The following PARD3B variants were observed in gnomAD, a reference collection of about 807,000 sequenced individuals.
The protein encoded by PARD3B is par-3 family cell polarity regulator beta, also known as partitioning defective 3 homolog B.
A neutral mutation model predicts 130.2 loss-of-function variants in PARD3B; 103 were observed. That is an observed-to-expected ratio of 0.79 (90% CI 0.67 to 0.93). The LOEUF (loss-of-function observed/expected upper bound fraction) is 0.93. PARD3B is among the 40% of genes least tolerant of loss of function. The probability of loss-of-function intolerance (pLI) is 0.00; values close to 1 mark genes in which losing one functional copy is unlikely to be tolerated. For synonymous variants in PARD3B, 583 were observed against 553.2 expected, an observed-to-expected ratio of 1.05 and a Z score of -0.76; for missense variants, 1,609 against 1,499.2, an observed-to-expected ratio of 1.07 and a Z score of -1.21.
intron 2 of PARD3B, among the ~76,000 whole-genome samples, chr2:204,861,822 AAAATTACTC>A (rs1388037962): frequency 6.6e-6 from 1 of 151,632 alleles, no homozygotes; most frequent in Non-Finnish European, 1.5e-5. Flanking sequence ...GGATCCCATA[AAAATTACTC>A]AATTACCAAA....
intron 20 of PARD3B, among the ~76,000 whole-genome samples, chr2:205,497,768 C>G (rs1050003412): frequency 6.6e-6 from 1 of 152,110 alleles, no homozygotes; most frequent in African/African-American, 2.4e-5. Context: ...CAGTAGTGAT[C>G]CTCACATACC....
chr2:205,501,276 T>C (rs2050151233), intron 21 of PARD3B, among the ~76,000 whole-genome samples: 1 of 152,188 alleles, frequency 6.6e-6, no homozygotes, highest in Non-Finnish European at 1.5e-5. Context: ...CAAGGCCAAG[T>C]GGCTTCAGCC....
chr2:204,935,362 T>C (rs1281133054), intron 2 of PARD3B, among the ~76,000 whole-genome samples: 5 of 130,156 alleles, frequency 3.8e-5, no homozygotes, highest in African/African-American at 1.0e-4. Flanking sequence ...ACCCTGTCTC[T>C]ACTAAAAATA....
At chr2:204,976,188 T>A (rs1427581217) in intron 3 of PARD3B, among the ~76,000 whole-genome samples, 2 of 152,198 alleles carry the variant, frequency 1.3e-5, no homozygotes, top group South Asian at 4.1e-4. Context: ...AAGTAGGCAA[T>A]GGAATGTTTC....
intron 3 of PARD3B, among the ~76,000 whole-genome samples, chr2:205,030,648 A>G (rs1455697048): frequency 1.3e-5 from 2 of 152,164 alleles, no homozygotes; most frequent in African/African-American, 4.8e-5. Context: ...GCATTAAAAG[A>G]CTGTTTGATA....
At chr2:204,842,118 T>C (rs1385142727) in intron 2 of PARD3B, among the ~76,000 whole-genome samples, 2 of 152,184 alleles carry the variant, frequency 1.3e-5, no homozygotes, top group African/African-American at 4.8e-5. Context: ...TAGATTTCAT[T>C]TCATGGAAGG....
At chr2:204,642,841 C>T (rs551047227) in intron 1 of PARD3B, among the ~76,000 whole-genome samples, 38 of 151,220 alleles carry the variant, frequency 2.5e-4, no homozygotes, top group African/African-American at 8.2e-4. Flanking sequence ...CGGCCGGGCG[C>T]GGTGGCTCAC....
chr2:205,024,997 G>A (rs1696905582), intron 3 of PARD3B, among the ~76,000 whole-genome samples: 1 of 152,162 alleles, frequency 6.6e-6, no homozygotes, highest in South Asian at 2.1e-4. Context: ...GCCACCAAGA[G>A]AAGATGACCG....
chr2:205,175,157 T>G (rs1023476459), intron 12 of PARD3B, among the ~76,000 whole-genome samples: 2 of 152,172 alleles, frequency 1.3e-5, no homozygotes, highest in Admixed American at 6.5e-5. Flanking sequence ...TGATCAGTTG[T>G]TGGGATATCG....
chr2:205,035,820 T>TATATATATATA (rs1491091922), intron 3 of PARD3B, among the ~76,000 whole-genome samples: 1 of 2,298 alleles, frequency 4.4e-4, no homozygotes, highest in South Asian at 0.029. Flanking sequence ...TATATATATA[T>TATATATATATA]CTATATATCT....
intron 4 of PARD3B, chr2:205,048,006 G>T (rs754510771): frequency 2.6e-5 from 5 of 195,478 alleles, no homozygotes; most frequent in Non-Finnish European, 4.1e-5. Context: ...GGCAGAGGAA[G>T]GTTTAGTAAT....
At chr2:205,130,322 C>T (rs527662156) in intron 10 of PARD3B, among the ~76,000 whole-genome samples, 1 of 152,142 alleles carries the variant, frequency 6.6e-6, no homozygotes, top group Non-Finnish European at 1.5e-5. Context: ...TGGTGGTTTG[C>T]GTGGTCAGTT....
At chr2:204,879,560 A>G (rs753562218) in intron 2 of PARD3B, among the ~76,000 whole-genome samples, 36 of 152,174 alleles carry the variant, frequency 2.4e-4, no homozygotes, top group Non-Finnish European at 1.0e-4. Flanking sequence ...TGGCAATGCT[A>G]CACTCCTGGA....
At chr2:204,582,540 C>T (rs1206225880) in intron 1 of PARD3B, among the ~76,000 whole-genome samples, 1 of 152,044 alleles carries the variant, frequency 6.6e-6, no homozygotes, top group Non-Finnish European at 1.5e-5. Flanking sequence ...AGAGTGACAC[C>T]CAACTTCTTA....
chr2:205,348,869 GATAATA>G (rs1185328330), intron 18 of PARD3B, among the ~76,000 whole-genome samples: 1 of 138,648 alleles, frequency 7.2e-6, no homozygotes, highest in Non-Finnish European at 1.5e-5. Flanking sequence ...GAAAGTAAAG[GATAATA>G]ATAATAATAA....
At chr2:204,899,567 T>C (rs944513895) in intron 2 of PARD3B, among the ~76,000 whole-genome samples, 1 of 152,220 alleles carries the variant, frequency 6.6e-6, no homozygotes, top group African/African-American at 2.4e-5. Context: ...TATTTGTATC[T>C]TACTGTTATG....
At chr2:204,701,464 G>T (rs914072364) in intron 2 of PARD3B, among the ~76,000 whole-genome samples, 4 of 152,050 alleles carry the variant, frequency 2.6e-5, no homozygotes, top group African/African-American at 9.7e-5. Context: ...ATTTCCATTT[G>T]TTTTATAGGT....
At chr2:205,098,158 C>A (rs1403615703) in intron 4 of PARD3B, among the ~76,000 whole-genome samples, 2 of 152,114 alleles carry the variant, frequency 1.3e-5, no homozygotes, top group Non-Finnish European at 2.9e-5. Context: ...GAGCACCAGG[C>A]ACATAACCTG....
chr2:204,688,957 A>G (rs1180293291), intron 2 of PARD3B, among the ~76,000 whole-genome samples: 1 of 152,184 alleles, frequency 6.6e-6, no homozygotes, highest in African/African-American at 2.4e-5. Flanking sequence ...CTCCTAGGAA[A>G]GACTCTCACT....
Sources: allele counts gnomAD v4.1 joint callset (sites outside exome capture counted in the v4.1 genomes callset), GRCh38; gene constraint gnomAD v4.1.1; transcripts MANE v1.5; gene names NCBI Gene and HGNC (gene_info 2026-07-23, HGNC 2026-07-21).